CTXN2: variants seen among roughly 807,000 people sequenced by gnomAD.
CTXN2 encodes cortexin 2, also known as cortexin-2.
Under a neutral mutation model 5.7 loss-of-function variants are expected in CTXN2, and 3 were observed. The observed-to-expected ratio is 0.53, with a 90% confidence interval of 0.24 to 1.36. CTXN2 has a LOEUF of 1.36. Ranked by LOEUF, CTXN2 falls within the 40% of genes most tolerant of loss-of-function variation. The pLI, the probability that CTXN2 is intolerant of heterozygous loss-of-function variation, is 0.17. For synonymous variants in CTXN2, 38 were observed against 36.4 expected (o/e 1.04, Z -0.16); for missense variants, 87 against 93.0 (o/e 0.94, Z 0.26).
chr15:48,188,837 C>A (rs533717236), upstream of CTXN2, among the ~76,000 whole-genome samples: 1 of 152,148 alleles, frequency 6.6e-6, no homozygotes, highest in African/African-American at 2.4e-5. Flanking sequence ...ACCTGAAGTA[C>A]AAGTATTCTG....
chr15:48,179,182 A>C (rs2040661529), intron 1 of CTXN2, among the ~76,000 whole-genome samples: 1 of 152,148 alleles, frequency 6.6e-6, no homozygotes, highest in Admixed American at 6.5e-5. Context: ...AATCTTTCAC[A>C]TTGACATAAC....
intron 1 of CTXN2, 102 bp downstream of exon 1, chr15:48,191,955 C>T: frequency 1.4e-4 from 53 of 367,146 alleles, no homozygotes; most frequent in South Asian, 2.4e-4. Flanking sequence ...TCCTCATTCT[C>T]TTGTATTTCT....
upstream of CTXN2, chr15:48,191,589 A>G (rs2040822915): frequency 2.4e-6 from 1 of 411,494 alleles, no homozygotes; most frequent in Admixed American, 2.6e-5. Context: ...ACACACTGCC[A>G]CACCGAAGAA....
chr15:48,203,324 T>C lies in CTXN2; in HGVS notation c.*1778T>C, dbSNP rs1174414452. 1 of 167,128 alleles carries C rather than the reference T, an allele frequency of 6.0e-6. No homozygotes were observed. The highest frequency in any genetic ancestry group is 2.1e-4 in the South Asian group (1 of 4,820). 10.4% of individuals were successfully genotyped at this position (167,128 alleles called of 1,614,324 possible). A position where few individuals can be genotyped will look rare whatever the true frequency, so the allele number is the denominator to read the frequency against. ...TTTAGAACATATCTGTTATTAGCTA[T>C]GGATCTTCTGGACCAAATCCTCACC... is the stretch of plus-strand genomic sequence containing the variant. On this transcript the variant is annotated 3_prime_UTR_variant, in exon 2 of 2. Transcript: ENST00000417307.
At chr15:48,188,662 T>A (rs549874728), upstream of CTXN2, among the ~76,000 whole-genome samples, 1 of 152,156 alleles carries the variant, frequency 6.6e-6, no homozygotes, top group Non-Finnish European at 1.5e-5. Flanking sequence ...TTCTAAACAA[T>A]GTCACCAACA....
At chr15:48,181,559 T>G (rs1353481088) in intron 1 of CTXN2, among the ~76,000 whole-genome samples, 1 of 152,210 alleles carries the variant, frequency 6.6e-6, no homozygotes, top group Non-Finnish European at 1.5e-5. Flanking sequence ...ATTCTTCTTT[T>G]TTTTAATTTA....
At chr15:48,200,393 G>C (rs767446699) in intron 1 of CTXN2, among the ~76,000 whole-genome samples, 5 of 152,118 alleles carry the variant, frequency 3.3e-5, no homozygotes, top group Admixed American at 6.6e-5. Flanking sequence ...TATACTTTCT[G>C]AATGCTTTAG....
upstream of CTXN2, chr15:48,191,637 C>G: frequency 2.2e-6 from 1 of 444,708 alleles, no homozygotes. Context: ...CGCGCGCACA[C>G]GTACTTCGGC....
At chr15:48,182,398 T>C (rs1027855476) in intron 1 of CTXN2, among the ~76,000 whole-genome samples, 1 of 152,220 alleles carries the variant, frequency 6.6e-6, no homozygotes, top group Non-Finnish European at 1.5e-5. Context: ...CTCCATTTCA[T>C]GAAACTAAAC....
At chr15:48,189,754 A>G (rs1411496415), upstream of CTXN2, among the ~76,000 whole-genome samples, 1 of 152,196 alleles carries the variant, frequency 6.6e-6, no homozygotes, top group Non-Finnish European at 1.5e-5. Context: ...CCCACAATCT[A>G]TGACTGACTG....
Position 48,201,623 on chromosome 15 carries a change from T to G in CTXN2, c.*77T>G. ...TACAATTGTAACTACCTTGAGGGTG[T>G]GGGAGAGAGGCTCATTTTGTTCAGT... On this transcript the variant is annotated 3_prime_UTR_variant, in exon 2 of 2. Coordinates refer to ENST00000417307, the MANE Select transcript of CTXN2 (RefSeq NM_001145668.2). The G allele has an allele frequency of 7.1e-7, 1 of 1,410,314 alleles. No homozygotes were observed. Among genetic ancestry groups the G allele is most frequent in the Non-Finnish European group, 9.6e-7 (1 of 1,036,692 alleles). The allele number at this position is 1,410,314 out of a possible 1,614,324, so 87.4% of individuals were successfully genotyped here. A position where few individuals can be genotyped will look rare whatever the true frequency, so the allele number is the denominator to read the frequency against.
At chr15:48,195,748 T>C (rs2040872653) in intron 1 of CTXN2, among the ~76,000 whole-genome samples, 1 of 152,184 alleles carries the variant, frequency 6.6e-6, no homozygotes, top group South Asian at 2.1e-4. Context: ...TCTTCTTTTT[T>C]TTCACCAAGA....
In CTXN2 at chr15:48,202,355, AGAG is replaced by A. The variant is rs2040935754; in HGVS notation, c.*810_*812del. ...ATCTAATCTCTGTGAGCTTCAGTGAAGAGTAGTGTTAACATCCTTTTCAATTCT... is the reference window on the plus strand; with the variant it reads ...ATCTAATCTCTGTGAGCTTCAGTGAATAGTGTTAACATCCTTTTCAATTCT... On this transcript the variant is annotated 3_prime_UTR_variant, in exon 2 of 2. Coordinates refer to ENST00000417307, the MANE Select transcript of CTXN2 (RefSeq NM_001145668.2). The A allele has an allele frequency of 6.0e-6, 1 of 167,198 alleles. No individual in the cohort carries two copies. The highest frequency in any genetic ancestry group is 1.9e-4 in the East Asian group (1 of 5,184). The allele number at this position is 167,198 out of a possible 1,614,324, so 10.4% of individuals were successfully genotyped here. A position where few individuals can be genotyped will look rare whatever the true frequency, so the allele number is the denominator to read the frequency against.
At chr15:48,185,986 C>T (rs994213167) in intron 1 of CTXN2, among the ~76,000 whole-genome samples, 14 of 152,110 alleles carry the variant, frequency 9.2e-5, no homozygotes, top group Non-Finnish European at 1.6e-4. Context: ...TAACTGAGTC[C>T]TATTACAGAA....
At chr15:48,201,187 C>T in intron 1 of CTXN2, 57 bp from the exon 2 acceptor site, 1 of 1,066,792 alleles carries the variant, frequency 9.4e-7, no homozygotes, top group Non-Finnish European at 1.3e-6. Flanking sequence ...TATTAAGCAA[C>T]AACCTACCCA....
chr15:48,179,957 AT>A (rs1164331087), intron 1 of CTXN2, among the ~76,000 whole-genome samples: 2 of 152,188 alleles, frequency 1.3e-5, no homozygotes, highest in Non-Finnish European at 2.9e-5. Context: ...TCAATGCAAG[AT>A]TTTTTTAAGA....
At chr15:48,180,876 A>T (rs2040696536) in intron 1 of CTXN2, among the ~76,000 whole-genome samples, 1 of 152,160 alleles carries the variant, frequency 6.6e-6, no homozygotes, top group Non-Finnish European at 1.5e-5. Context: ...TTCTTAAGTG[A>T]TGCTCAAATT....
At chr15:48,192,177 A>C (rs2040830568) in intron 1 of CTXN2, 2 of 201,456 alleles carry the variant, frequency 9.9e-6, no homozygotes, top group Non-Finnish European at 2.1e-5. Flanking sequence ...TAGTGCGTAG[A>C]AAGAGACCTG....
At chr15:48,190,974 C>G (rs1056697557), upstream of CTXN2, 2 of 152,374 alleles carry the variant, frequency 1.3e-5, no homozygotes, top group African/African-American at 4.8e-5. Flanking sequence ...TTCCTGGCTG[C>G]TATTTTGTTG....
Sources: allele counts gnomAD v4.1 joint callset (sites outside exome capture counted in the v4.1 genomes callset), GRCh38; gene constraint gnomAD v4.1.1; transcripts MANE v1.5; gene names NCBI Gene and HGNC (gene_info 2026-07-23, HGNC 2026-07-21).